CACNA1B: variants seen among roughly 807,000 people sequenced by gnomAD.
CACNA1B encodes the protein voltage-dependent N-type calcium channel subunit alpha-1B.
A neutral mutation model predicts 247.2 loss-of-function variants in CACNA1B; 70 were observed. That is an observed-to-expected ratio of 0.28 (90% CI 0.23 to 0.35). The LOEUF is 0.35. Among genes scored for constraint, CACNA1B ranks in the 10% least tolerant of loss-of-function variants. The pLI, the probability that CACNA1B is intolerant of heterozygous loss-of-function variation, is 1.00. For missense variants in CACNA1B, 2,367 were observed against 3,197.4 expected, an observed-to-expected ratio of 0.74 and a Z score of 6.26; for synonymous variants, 1,231 against 1,294.4, an observed-to-expected ratio of 0.95 and a Z score of 1.05.
At chr9:138,101,495 C>T (rs1238303879) in intron 37 of CACNA1B, among the ~76,000 whole-genome samples, 3 of 152,210 alleles carry the variant, frequency 2.0e-5, no homozygotes, top group Non-Finnish European at 2.9e-5. Context: ...CCGACTTGCC[C>T]GGTTTTTCCT....
rs1399574125 is a variant in CACNA1B at position 138,011,351 on chromosome 9, G to C, written c.2160+1274G>C. On this transcript the variant is annotated intron_variant, in intron 17 of 46. Coordinates refer to ENST00000371372, the MANE Select transcript of CACNA1B (RefSeq NM_000718.4). This position sits in a 1 kb window ranked among gnomAD's most constrained non-coding sequence, Gnocchi z 4.2. ...CTTGGGGCCCTGTGTCCACATACAT[G>C]TACCCTCATTGGTGGCCCCCCTTTT... Among the ~76,000 whole-genome samples, 1 of 152,190 alleles carries C rather than the reference G, an allele frequency of 6.6e-6. No homozygotes were observed. Among genetic ancestry groups the C allele is most frequent in the East Asian group, 1.9e-4 (1 of 5,188 alleles).
intron 12 of CACNA1B, among the ~76,000 whole-genome samples, chr9:137,977,479 T>G (rs1390362001): frequency 7.0e-6 from 1 of 141,976 alleles, no homozygotes; most frequent in Non-Finnish European, 1.5e-5. Flanking sequence ...TACCAACTTA[T>G]GTAGGTAGGG....
intron 44 of CACNA1B, 44 bp downstream of exon 44, chr9:138,118,812 G>A: frequency 4.6e-6 from 4 of 879,046 alleles, no homozygotes; most frequent in Non-Finnish European, 7.1e-6. Flanking sequence ...GGGCAAGTGG[G>A]GGGTGGGGAA....
At position 137,955,601 on chromosome 9, in the gene CACNA1B, C is replaced by T. The variant is rs1957936900; in HGVS notation, c.1071-97C>T. 1 of 803,230 alleles carries T rather than the reference C, an allele frequency of 1.2e-6. No individual in the cohort carries two copies. Among genetic ancestry groups the T allele is most frequent in the Admixed American group, 2.7e-5 (1 of 37,474 alleles). The allele number at this position is 803,230 out of a possible 1,614,324, so 49.8% of individuals were successfully genotyped here. A position where few individuals can be genotyped will look rare whatever the true frequency, so the allele number is the denominator to read the frequency against. Reference sequence around the variant, plus strand: ...AGCAGCAGCCTGCAGCCTGCGTCTCCTGTCCCAGGCTTTCCCTGGTCCTTT... The same window carrying T: ...AGCAGCAGCCTGCAGCCTGCGTCTCTTGTCCCAGGCTTTCCCTGGTCCTTT... On this transcript the variant is annotated intron_variant, in intron 7 of 46. Coordinates refer to ENST00000371372, the MANE Select transcript of CACNA1B (RefSeq NM_000718.4). This position sits in a 1 kb window ranked among gnomAD's most constrained non-coding sequence, Gnocchi z 6.9.
chr9:138,036,635 G>A (rs895916753), intron 20 of CACNA1B, among the ~76,000 whole-genome samples: 5 of 152,134 alleles, frequency 3.3e-5, no homozygotes, highest in African/African-American at 7.2e-5. Context: ...CCAGTCATTC[G>A]TCTAAATTTT....
At chr9:137,889,308 G>T (rs1957062337) in intron 3 of CACNA1B, among the ~76,000 whole-genome samples, 1 of 150,176 alleles carries the variant, frequency 6.7e-6, no homozygotes, top group Non-Finnish European at 1.5e-5. Context: ...TCCAGTGCCG[G>T]GTCGGGCTGG....
chr9:138,088,393 A>G (rs1265410250), intron 36 of CACNA1B, among the ~76,000 whole-genome samples: 2 of 152,130 alleles, frequency 1.3e-5, no homozygotes, highest in Non-Finnish European at 2.9e-5. Flanking sequence ...TGTTTTTTTG[A>G]AAAGATAATT....
chr9:138,034,684 T>C (rs1316427034), intron 20 of CACNA1B, among the ~76,000 whole-genome samples: 4 of 152,100 alleles, frequency 2.6e-5, no homozygotes, highest in Admixed American at 2.6e-4. Context: ...AGAAACTTAT[T>C]GTTGTGTCAT....
chr9:137,920,750 A>C (rs1957468208), intron 6 of CACNA1B, among the ~76,000 whole-genome samples: 1 of 152,260 alleles, frequency 6.6e-6, no homozygotes, highest in African/African-American at 2.4e-5. Context: ...GAAAGTGTTC[A>C]GATCCATAGC....
At chr9:138,045,472 A>T (rs1169344564) in intron 21 of CACNA1B, among the ~76,000 whole-genome samples, 1 of 152,200 alleles carries the variant, frequency 6.6e-6, no homozygotes, top group Non-Finnish European at 1.5e-5. Context: ...CAGAATCTAC[A>T]GAATTTGGTG....
In CACNA1B at chr9:137,904,784, A is replaced by T. The variant is rs145518689; in HGVS notation, c.531-8396A>T. 5.0e-4 allele frequency among the ~76,000 whole-genome samples: 76 copies of T among 152,030 alleles called. 2 individuals are homozygous for T. The highest frequency in any genetic ancestry group is 1.8e-3 in the African/African-American group (75 of 41,488). On this transcript the variant is annotated intron_variant, in intron 3 of 46. Transcript: ENST00000371372. The stretch of plus-strand genomic sequence containing the variant: ...TAACCAAGTTCCTGGGAGTTTTATC[A>T]CTGTCTGCCATCGGTGATCATTTTA...
intron 15 of CACNA1B, 48 bp from the exon 16 acceptor site, chr9:138,006,719 G>C: frequency 9.4e-7 from 1 of 1,058,298 alleles, no homozygotes; most frequent in Non-Finnish European, 1.5e-6. Context: ...CGTGTGTGTG[G>C]GGAAGGCGGC....
At chr9:138,047,585 G>T (rs558130358) in intron 23 of CACNA1B, 127 bp downstream of exon 23, 4 of 679,272 alleles carry the variant, frequency 5.9e-6, no homozygotes, top group South Asian at 1.8e-5. Context: ...AGGTGTGTGC[G>T]TACTGGGTGT....
intron 3 of CACNA1B, among the ~76,000 whole-genome samples, chr9:137,900,176 G>C (rs946714438): frequency 6.6e-6 from 1 of 152,190 alleles, no homozygotes; most frequent in African/African-American, 2.4e-5. Flanking sequence ...TGGAAAGGCA[G>C]GGTGCCCCCC....
chr9:138,076,064 C>G (rs781385558), intron 35 of CACNA1B, among the ~76,000 whole-genome samples, 154 bp downstream of exon 35: 14 of 152,306 alleles, frequency 9.2e-5, no homozygotes, highest in Middle Eastern at 6.8e-3. Flanking sequence ...CTGGTTCTTC[C>G]CCTCTCTCTG....
At position 138,010,961 on chromosome 9, in the gene CACNA1B, C is replaced by G. The variant is rs939794054; in HGVS notation, c.2160+884C>G. On this transcript the variant is annotated intron_variant, in intron 17 of 46. Transcript: ENST00000371372. The surrounding 1 kb of genome is among the most constrained non-coding windows in gnomAD (Gnocchi z 5.3). ...TGAGTGCTGTGCAGGTGCCCCTGCT[C>G]CCCCCAGCCGAGCTCTCCAGGAGGG... 6.6e-6 allele frequency among the ~76,000 whole-genome samples: 1 copy of G among 152,138 alleles called. No individual in the cohort carries two copies. The highest frequency in any genetic ancestry group is 2.4e-5 in the African/African-American group (1 of 41,442).
chr9:137,888,499 C>G lies in CACNA1B; in HGVS notation c.530+5616C>G, dbSNP rs1323818296. Reference sequence around the variant, plus strand: ...TGTGGCTCCAGCCTGGTGCTACCCTCCATGGCCCTTGGGGACATCAGAGAA... The same window carrying G: ...TGTGGCTCCAGCCTGGTGCTACCCTGCATGGCCCTTGGGGACATCAGAGAA... On this transcript the variant is annotated intron_variant, in intron 3 of 46. Transcript: ENST00000371372. The surrounding 1 kb of genome is among the most constrained non-coding windows in gnomAD (Gnocchi z 4.7). 6.6e-6 allele frequency among the ~76,000 whole-genome samples: 1 copy of G among 152,224 alleles called. No homozygotes were observed. The highest frequency in any genetic ancestry group is 1.5e-5 in the Non-Finnish European group (1 of 68,034).
chr9:137,899,116 C>T lies in CACNA1B; in HGVS notation c.531-14064C>T, dbSNP rs570388202. On this transcript the variant is annotated intron_variant, in intron 3 of 46. Coordinates refer to ENST00000371372, the MANE Select transcript of CACNA1B (RefSeq NM_000718.4). The surrounding 1 kb of genome is among the most constrained non-coding windows in gnomAD (Gnocchi z 5.0). ...TTCTTTTTTTTTTGTCAGTTGGAGT[C>T]TCTCTCTGTTGCCCAGGGTGGAGTG... is the stretch of plus-strand genomic sequence containing the variant. 1.6e-3 allele frequency among the ~76,000 whole-genome samples: 245 copies of T among 151,514 alleles called. 1 individual carries two copies. The highest frequency in any genetic ancestry group is 3.8e-3 in the Admixed American group (57 of 15,186).
At chr9:137,883,482 C>T (rs1956958537) in intron 3 of CACNA1B, among the ~76,000 whole-genome samples, 1 of 151,752 alleles carries the variant, frequency 6.6e-6, no homozygotes, top group African/African-American at 2.4e-5. Context: ...CCAAAGTAAC[C>T]AGCACATCTA....
Sources: allele counts gnomAD v4.1 joint callset (sites outside exome capture counted in the v4.1 genomes callset), GRCh38; gene constraint gnomAD v4.1.1; non-coding constraint Gnocchi (gnomAD v3.1); transcripts MANE v1.5; gene names NCBI Gene and HGNC (gene_info 2026-07-23, HGNC 2026-07-21).